NOL10: variants seen among roughly 807,000 people sequenced by gnomAD.
NOL10 encodes nucleolar protein 10.
NOL10 carries 58 observed loss-of-function variants against 103.5 expected under a neutral mutation model. That is an observed-to-expected ratio of 0.56 (90% CI 0.45 to 0.70). The LOEUF (loss-of-function observed/expected upper bound fraction) is 0.70, where lower values mean the gene tolerates loss of function less well. Among genes scored for constraint, NOL10 ranks in the 30% least tolerant of loss-of-function variants. The probability of loss-of-function intolerance (pLI) is 0.00; values close to 1 mark genes in which losing one functional copy is unlikely to be tolerated. For missense variants in NOL10, 763 were observed against 807.3 expected, an observed-to-expected ratio of 0.95 and a Z score of 0.67; for synonymous variants, 287 against 282.5, an observed-to-expected ratio of 1.02 and a Z score of -0.16.
Position 10,594,242 on chromosome 2 carries a change from G to A in NOL10, c.1423-4491C>T, listed in dbSNP as rs533051181. 1.4e-4 allele frequency among the ~76,000 whole-genome samples: 22 copies of A among 152,176 alleles called. No individual in the cohort carries two copies. The East Asian group carries it at 4.3e-3, about 29-fold the overall frequency. On this transcript the variant is annotated intron_variant, in intron 17 of 20. Coordinates refer to ENST00000381685, the MANE Select transcript of NOL10 (RefSeq NM_024894.4). The stretch of plus-strand genomic sequence containing the variant: ...GAAACAACTCCCCTAGCAACTTCCC[G>A]AGGAAAAGCAGCATTTAAGGGGAAT...
chr2:10,684,192 C>T (rs1393045437), intron 2 of NOL10, among the ~76,000 whole-genome samples: 4 of 151,404 alleles, frequency 2.6e-5, no homozygotes, highest in African/African-American at 4.9e-5. Flanking sequence ...AGGAGAACTG[C>T]TTGAATCCAG....
At chr2:10,672,217 C>T (rs1024660772) in intron 5 of NOL10, among the ~76,000 whole-genome samples, 2 of 152,122 alleles carry the variant, frequency 1.3e-5, no homozygotes, top group Non-Finnish European at 2.9e-5. Flanking sequence ...ATCCCAGCTA[C>T]TCAGGAGGCT....
chr2:10,672,626 CA>C (rs1251625811), intron 5 of NOL10, among the ~76,000 whole-genome samples: 2 of 152,158 alleles, frequency 1.3e-5, no homozygotes, highest in African/African-American at 4.8e-5. Flanking sequence ...TGCCATTTGA[CA>C]TCACTAAAAA....
intron 7 of NOL10, 108 bp from the exon 8 acceptor site, chr2:10,667,386 A>T: frequency 1.3e-6 from 1 of 790,538 alleles, no homozygotes; most frequent in Non-Finnish European, 2.1e-6. Context: ...TAGAAAGAAG[A>T]CACACAGATT....
At chr2:10,588,155 T>C (rs888451163) in intron 19 of NOL10, among the ~76,000 whole-genome samples, 1 of 152,218 alleles carries the variant, frequency 6.6e-6, no homozygotes. Context: ...TGACTCAGAC[T>C]CCTGACAACT....
At chr2:10,657,173 G>C (rs551265174) in intron 11 of NOL10, among the ~76,000 whole-genome samples, 8 of 152,060 alleles carry the variant, frequency 5.3e-5, no homozygotes, top group Non-Finnish European at 1.2e-4. Flanking sequence ...ACAAAAATTA[G>C]CTGGGCATGG....
At chr2:10,676,970 G>C (rs1416221400) in intron 3 of NOL10, among the ~76,000 whole-genome samples, 1 of 147,694 alleles carries the variant, frequency 6.8e-6, no homozygotes, top group Non-Finnish European at 1.5e-5. Context: ...ATGGGGTCTT[G>C]CTCTGTCGCC....
intron 3 of NOL10, among the ~76,000 whole-genome samples, chr2:10,679,600 C>CCTCTCTCT (rs1558353041): frequency 8.8e-5 from 13 of 148,544 alleles, no homozygotes; most frequent in Non-Finnish European, 2.0e-4. Flanking sequence ...TTCCTCTCTC[C>CCTCTCTCT]TTCCTCTCTT....
chr2:10,589,022 C>T (rs573317115), intron 19 of NOL10, 21 bp downstream of exon 19: 25 of 1,611,350 alleles, frequency 1.6e-5, no homozygotes, highest in South Asian at 6.6e-5. Context: ...GTCAACTGTG[C>T]GCTCAGGCAG....
intron 12 of NOL10, among the ~76,000 whole-genome samples, chr2:10,647,459 T>C (rs1679160824): frequency 6.6e-6 from 1 of 152,256 alleles, no homozygotes; most frequent in Non-Finnish European, 1.5e-5. Context: ...TGTGTGATCA[T>C]TTTCCTAGTA....
chr2:10,670,654 G>A (rs1156837387), intron 6 of NOL10, among the ~76,000 whole-genome samples: 1 of 152,130 alleles, frequency 6.6e-6, no homozygotes, highest in Non-Finnish European at 1.5e-5. Context: ...AGAATCACTT[G>A]AACCTGGGAG....
intron 17 of NOL10, among the ~76,000 whole-genome samples, chr2:10,598,592 G>A (rs1320545974): frequency 6.6e-6 from 1 of 152,174 alleles, no homozygotes; most frequent in Non-Finnish European, 1.5e-5. Context: ...CCCAGTGGAA[G>A]TGACACTGGC....
intron 17 of NOL10, among the ~76,000 whole-genome samples, chr2:10,595,587 TG>T (rs141972635): frequency 0.31 from 43,657 of 142,092 alleles, 7,547 homozygotes; most frequent in Non-Finnish European, 0.38. Context: ...AATGTTTTTT[TG>T]TTTTGTTTTG....
At chr2:10,676,173 ATC>A (rs1681292950) in intron 3 of NOL10, among the ~76,000 whole-genome samples, 1 of 152,234 alleles carries the variant, frequency 6.6e-6, no homozygotes, top group African/African-American at 2.4e-5. Flanking sequence ...AACGGTTAAT[ATC>A]TGTGTTGGTG....
intron 12 of NOL10, among the ~76,000 whole-genome samples, chr2:10,652,556 TTAG>T (rs1233620751): frequency 2.0e-5 from 3 of 152,204 alleles, no homozygotes; most frequent in African/African-American, 7.2e-5. Flanking sequence ...TCTGTAATCC[TTAG>T]TAGTTGCTAA....
intron 17 of NOL10, among the ~76,000 whole-genome samples, chr2:10,592,081 C>T (rs537553173): frequency 3.2e-4 from 49 of 152,202 alleles, no homozygotes; most frequent in African/African-American, 1.1e-3. Flanking sequence ...TGACGGACTG[C>T]TGAGTAAGAA....
At chr2:10,661,992 G>A (rs977512572) in intron 9 of NOL10, among the ~76,000 whole-genome samples, 2 of 151,620 alleles carry the variant, frequency 1.3e-5, no homozygotes, top group African/African-American at 4.8e-5. Flanking sequence ...CTGTTTTTCT[G>A]ATAACAATGT....
intron 13 of NOL10, among the ~76,000 whole-genome samples, chr2:10,629,374 AT>A (rs141555944): frequency 0.014 from 2,201 of 152,296 alleles, 66 homozygotes; most frequent in African/African-American, 0.05. Context: ...CAGAAAATAT[AT>A]TTTTTAATAA....
At chr2:10,647,594 T>C (rs927108582) in intron 12 of NOL10, among the ~76,000 whole-genome samples, 3 of 152,146 alleles carry the variant, frequency 2.0e-5, no homozygotes, top group Non-Finnish European at 2.9e-5. Flanking sequence ...CAAAAACATA[T>C]GGCATCAGTC....
Sources: allele counts gnomAD v4.1 joint callset (sites outside exome capture counted in the v4.1 genomes callset), GRCh38; gene constraint gnomAD v4.1.1; transcripts MANE v1.5; gene names NCBI Gene and HGNC (gene_info 2026-07-23, HGNC 2026-07-21).